Variants in EPHA5 observed in about 807,000 individuals in gnomAD.
EPHA5 encodes the protein EPH receptor A5.
EPHA5 carries 60 observed loss-of-function variants against 105.0 expected under a neutral mutation model. That is an observed-to-expected ratio of 0.57 (90% CI 0.46 to 0.71). EPHA5 has a LOEUF of 0.71. Among genes scored for constraint, EPHA5 ranks in the 30% least tolerant of loss-of-function variants. The pLI is 0.00. For synonymous variants in EPHA5, 513 were observed against 449.1 expected, an observed-to-expected ratio of 1.14 and a Z score of -1.80; for missense variants, 1,218 against 1,274.7, an observed-to-expected ratio of 0.96 and a Z score of 0.68.
intron 3 of EPHA5, among the ~76,000 whole-genome samples, chr4:65,596,902 C>T (rs1743248970): frequency 6.6e-6 from 1 of 152,146 alleles, no homozygotes; most frequent in Non-Finnish European, 1.5e-5. Flanking sequence ...TCCATAATTG[C>T]ATGGACACCT....
At chr4:65,488,058 C>T (rs1179074913) in intron 5 of EPHA5, among the ~76,000 whole-genome samples, 4 of 151,934 alleles carry the variant, frequency 2.6e-5, no homozygotes, top group African/African-American at 9.7e-5. Context: ...CAATAGCAAC[C>T]AAAAGTCAAC....
In EPHA5 at chr4:65,478,959, A is replaced by G. The variant is rs182788536; in HGVS notation, c.1402+11418T>C. Among the ~76,000 whole-genome samples, 377 of 152,236 alleles carry G rather than the reference A, an allele frequency of 2.5e-3. 2 individuals carry two copies. Among genetic ancestry groups the G allele is most frequent in the African/African-American group, 8.6e-3 (359 of 41,558 alleles). On this transcript the variant is annotated intron_variant, in intron 5 of 16. Transcript: ENST00000613740. ...AGCAGTTGTCTTTTGTTATCTGTAG[A>G]ATCATGGTCCTACACATTATTTTTT...
At chr4:65,370,712 G>A (rs1017046156) in intron 8 of EPHA5, among the ~76,000 whole-genome samples, 2 of 152,066 alleles carry the variant, frequency 1.3e-5, no homozygotes, top group African/African-American at 4.8e-5. Flanking sequence ...CCTTGGTGAG[G>A]AGCAGTTAAC....
chr4:65,587,829 T>C (rs1422911269), intron 3 of EPHA5, among the ~76,000 whole-genome samples: 1 of 152,102 alleles, frequency 6.6e-6, no homozygotes, highest in Admixed American at 6.6e-5. Context: ...GGTCTGAAAA[T>C]AGGGTCCGAA....
intron 8 of EPHA5, among the ~76,000 whole-genome samples, chr4:65,375,265 T>C (rs1479367029): frequency 6.6e-6 from 1 of 151,886 alleles, no homozygotes; most frequent in Non-Finnish European, 1.5e-5. Flanking sequence ...AGTGCCTAAA[T>C]GCATTTGTGG....
intron 2 of EPHA5, among the ~76,000 whole-genome samples, chr4:65,631,894 C>T (rs929112755): frequency 3.3e-5 from 5 of 151,766 alleles, no homozygotes; most frequent in African/African-American, 4.8e-5. Flanking sequence ...AATATATAAC[C>T]AGGGTAAACA....
chr4:65,497,806 AAAAGTAGAT>A (rs1282496111), intron 3 of EPHA5, among the ~76,000 whole-genome samples: 1 of 152,044 alleles, frequency 6.6e-6, no homozygotes, highest in Non-Finnish European at 1.5e-5. Context: ...AATCGAAGTA[AAAAGTAGAT>A]AAATGTATCT....
intron 3 of EPHA5, among the ~76,000 whole-genome samples, chr4:65,542,592 C>G (rs1160798836): frequency 6.6e-6 from 1 of 151,762 alleles, no homozygotes; most frequent in Non-Finnish European, 1.5e-5. Context: ...AGTCTACCAA[C>G]CAAAGAAAGC....
At chr4:65,423,669 G>GTT (rs71657409) in intron 5 of EPHA5, among the ~76,000 whole-genome samples, 4,016 of 142,082 alleles carry the variant, frequency 0.028, 79 homozygotes, top group African/African-American at 0.044. Context: ...GGGTTTGTCT[G>GTT]TTTTTTTTTT....
At chr4:65,474,865 T>C (rs1404719799) in intron 5 of EPHA5, among the ~76,000 whole-genome samples, 1 of 152,202 alleles carries the variant, frequency 6.6e-6, no homozygotes, top group Non-Finnish European at 1.5e-5. Flanking sequence ...TCTTCATCAA[T>C]AAAGATCGAT....
intron 1 of EPHA5, among the ~76,000 whole-genome samples, chr4:65,662,017 A>C (rs139795155): frequency 6.6e-6 from 1 of 152,242 alleles, no homozygotes; most frequent in Non-Finnish European, 1.5e-5. Context: ...CACAGTCCAA[A>C]ATCTTGACTT....
chr4:65,396,021 G>A (rs553871655), intron 8 of EPHA5, among the ~76,000 whole-genome samples: 1 of 152,156 alleles, frequency 6.6e-6, no homozygotes, highest in Non-Finnish European at 1.5e-5. Context: ...AGGCACAGCT[G>A]CAGCCACCCA....
At position 65,321,163 on chromosome 4, in the gene EPHA5, G is replaced by A; in HGVS notation, c.*2951C>T. The stretch of plus-strand genomic sequence containing the variant: ...TACCAATTTTTCAAAGTCCAATACT[G>A]TGAAAGACTCATGCCCCTTAAGATA... On this transcript the variant is annotated 3_prime_UTR_variant, in exon 17 of 17. Coordinates refer to ENST00000613740, the MANE Select transcript of EPHA5 (RefSeq NM_001281766.3). 1 of 230,662 alleles carries A rather than the reference G, an allele frequency of 4.3e-6. No homozygotes were observed. Among genetic ancestry groups the A allele is most frequent in the Non-Finnish European group, 8.6e-6 (1 of 116,400 alleles). 14.3% of individuals were successfully genotyped at this position (230,662 alleles called of 1,614,324 possible).
intron 6 of EPHA5, among the ~76,000 whole-genome samples, chr4:65,415,014 C>T (rs1294822928): frequency 1.3e-5 from 2 of 152,034 alleles, no homozygotes; most frequent in Non-Finnish European, 2.9e-5. Context: ...ATAAGCAAAA[C>T]GTTTTTATTT....
At chr4:65,507,434 T>C (rs933762877) in intron 3 of EPHA5, among the ~76,000 whole-genome samples, 1 of 152,164 alleles carries the variant, frequency 6.6e-6, no homozygotes, top group African/African-American at 2.4e-5. Context: ...GGGGATGGCA[T>C]TGAATCTATA....
intron 16 of EPHA5, among the ~76,000 whole-genome samples, chr4:65,325,538 G>A (rs1220519629): frequency 1.3e-5 from 2 of 151,160 alleles, no homozygotes; most frequent in African/African-American, 4.8e-5. Flanking sequence ...TAAACAGTAA[G>A]CTTAAAAATT....
chr4:65,530,651 A>T (rs1478638746), intron 3 of EPHA5, among the ~76,000 whole-genome samples: 1 of 152,216 alleles, frequency 6.6e-6, no homozygotes, highest in Non-Finnish European at 1.5e-5. Context: ...GTGTAAGGCA[A>T]TTTCTGAATG....
intron 3 of EPHA5, among the ~76,000 whole-genome samples, chr4:65,565,327 A>G (rs779929343): frequency 2.0e-4 from 31 of 151,698 alleles, no homozygotes; most frequent in Non-Finnish European, 4.1e-4. Flanking sequence ...CAATATATTC[A>G]ATCCAATTTC....
intron 3 of EPHA5, among the ~76,000 whole-genome samples, chr4:65,581,485 T>A (rs1332155138): frequency 6.6e-6 from 1 of 151,738 alleles, no homozygotes; most frequent in Non-Finnish European, 1.5e-5. Flanking sequence ...TTACCCAAAT[T>A]GGTCTATTTC....
Sources: allele counts gnomAD v4.1 joint callset (sites outside exome capture counted in the v4.1 genomes callset), GRCh38; gene constraint gnomAD v4.1.1; transcripts MANE v1.5; gene names NCBI Gene and HGNC (gene_info 2026-07-23, HGNC 2026-07-21).